The following WWP2 variants were observed in gnomAD, a reference collection of about 807,000 sequenced individuals.
WWP2 encodes NEDD4-like E3 ubiquitin-protein ligase WWP2.
A neutral mutation model predicts 121.0 loss-of-function variants in WWP2; 57 were observed. The observed-to-expected ratio is 0.47, with a 90% confidence interval of 0.38 to 0.59. The LOEUF is 0.59. Ranked by LOEUF, WWP2 falls within the 20% of genes least tolerant of loss-of-function variation. The pLI is 0.00. For synonymous variants in WWP2, 449 were observed against 441.3 expected (o/e 1.02, Z -0.22); for missense variants, 962 against 1,158.9 (o/e 0.83, Z 2.47).
intron 7 of WWP2, among the ~76,000 whole-genome samples, chr16:69,880,053 G>A (rs1022853990): frequency 2.0e-5 from 3 of 149,834 alleles, no homozygotes; most frequent in Admixed American, 6.7e-5. Context: ...TTCTGTTTTC[G>A]CTTGCTTTCT....
At chr16:69,769,939 A>G (rs1355402079) in intron 1 of WWP2, among the ~76,000 whole-genome samples, 4 of 149,298 alleles carry the variant, frequency 2.7e-5, no homozygotes, top group Non-Finnish European at 5.9e-5. Flanking sequence ...CAATGGCATA[A>G]TCTCGGCTCG....
chr16:69,871,661 G>A (rs2057638328), intron 6 of WWP2, 143 bp from the exon 7 acceptor site: 1 of 1,235,740 alleles, frequency 8.1e-7, no homozygotes, highest in African/African-American at 1.5e-5. Flanking sequence ...ACCAGCTTCT[G>A]TTTAGTCCAA....
chr16:69,854,457 GT>G (rs1230464545), intron 6 of WWP2, among the ~76,000 whole-genome samples: 2 of 152,260 alleles, frequency 1.3e-5, no homozygotes, highest in Non-Finnish European at 2.9e-5. Flanking sequence ...GTTTGGTTTA[GT>G]GACTGCCTTT....
At chr16:69,827,467 A>G (rs2056722216) in intron 4 of WWP2, among the ~76,000 whole-genome samples, 1 of 152,198 alleles carries the variant, frequency 6.6e-6, no homozygotes, top group Non-Finnish European at 1.5e-5. Context: ...ACTAATCCAA[A>G]TCTTAATTGG....
At chr16:69,822,532 GGT>G (rs142800550) in intron 4 of WWP2, among the ~76,000 whole-genome samples, 4 of 151,044 alleles carry the variant, frequency 2.6e-5, no homozygotes, top group Non-Finnish European at 5.9e-5. Context: ...GCCTGGGTGG[GGT>G]GTGTGTGTGT....
intron 8 of WWP2, chr16:69,895,128 C>T (rs2058088301): frequency 6.6e-6 from 1 of 152,236 alleles, no homozygotes; most frequent in African/African-American, 2.4e-5. Flanking sequence ...GCCCTTAAGA[C>T]ACTATCAAGG....
At position 69,929,522 on chromosome 16, in the gene WWP2, A is replaced by G. The variant is rs1356061661; in HGVS notation, c.1309A>G (p.Thr437Ala). Residue 437 changes from threonine to alanine, a missense_variant, in exon 12 of 24, where the codon ACC becomes GCC. By Grantham distance (58) the Thr-to-Ala change is moderately conservative (BLOSUM62 0). Around this residue, in one of 3 missense-constraint regions of WWP2, gnomAD observed 606 missense variants for 772.6 expected, o/e 0.78. Transcript: ENST00000359154. ...CACGACCCAGTGGGAGGATCCCCGG[A>G]CCCAGGGGTAAGGACTTGGGCTGAG... ...TRTTQWEDPRTQGMIQEPALP... is the reference protein window; with the variant it reads ...TRTTQWEDPRAQGMIQEPALP... 2 of 1,613,956 alleles carry G rather than the reference A, an allele frequency of 1.2e-6. No individual in the cohort carries two copies. The highest frequency in any genetic ancestry group is 2.2e-5 in the East Asian group (1 of 44,854).
intron 6 of WWP2, among the ~76,000 whole-genome samples, chr16:69,855,754 A>G (rs1312897456): frequency 6.6e-6 from 1 of 152,216 alleles, no homozygotes; most frequent in Non-Finnish European, 1.5e-5. Context: ...TTGAAGGAAC[A>G]GTGGAGAGGC....
At chr16:69,899,973 C>T (rs530866408) in intron 8 of WWP2, among the ~76,000 whole-genome samples, 2 of 152,184 alleles carry the variant, frequency 1.3e-5, no homozygotes, top group South Asian at 4.1e-4. Context: ...TATTTATCTA[C>T]AATGTTATTT....
chr16:69,836,153 A>C (rs867336315), intron 4 of WWP2, among the ~76,000 whole-genome samples: 39 of 152,210 alleles, frequency 2.6e-4, no homozygotes, highest in African/African-American at 8.2e-4. Context: ...AATAATTTCA[A>C]ACATCATCTA....
rs1244305881 is a variant in WWP2, at chr16:69,938,077, A to G, written c.2343+425A>G. Among the ~76,000 whole-genome samples the G allele has an allele frequency of 2.0e-5, 3 of 152,266 alleles. No homozygotes were observed. The East Asian group carries it at 5.8e-4, about 29-fold the overall frequency. On this transcript the variant is annotated intron_variant, in intron 21 of 23. Transcript: ENST00000359154. ...TCGTTATGAAATACAGCATACAAAA[A>G]AAAATAGCGATTACAGGTATTCTTA...
chr16:69,772,158 A>C (rs925566764), intron 1 of WWP2, among the ~76,000 whole-genome samples: 2 of 151,222 alleles, frequency 1.3e-5, no homozygotes, highest in Non-Finnish European at 3.0e-5. Flanking sequence ...ACAGGGTTTC[A>C]TCATGTTGGT....
chr16:69,891,280 AC>A (rs1350260525), intron 8 of WWP2, among the ~76,000 whole-genome samples: 3 of 152,080 alleles, frequency 2.0e-5, no homozygotes, highest in Admixed American at 6.5e-5. Flanking sequence ...TTATTAATTT[AC>A]CCCTGGTGTT....
chr16:69,773,332 C>T (rs1437106457), intron 1 of WWP2, among the ~76,000 whole-genome samples: 4 of 152,086 alleles, frequency 2.6e-5, no homozygotes, highest in South Asian at 2.1e-4. Context: ...GCACTCACTA[C>T]CACACCCAGA....
chr16:69,905,399 G>T (rs2058274618), intron 8 of WWP2, among the ~76,000 whole-genome samples: 1 of 152,158 alleles, frequency 6.6e-6, no homozygotes, highest in Admixed American at 6.5e-5. Context: ...AGAAGATTGT[G>T]ATTAAAATGG....
Position 69,842,016 on chromosome 16 carries a change from C to T in WWP2, c.479-8C>T, listed in dbSNP as rs769173444. 1.9e-6 allele frequency: 3 copies of T among 1,610,634 alleles called. No homozygotes were observed. In the Admixed American group the frequency reaches 5.0e-5, roughly 27 times the overall value. ...TTCTGTCTTTTCTTGTGATTGATTC[C>T]TTTCTAGGATCACAGCTGCCTTCGA... On this transcript the variant is annotated splice_polypyrimidine_tract_variant and splice_region_variant and intron_variant, in intron 5 of 23. Coordinates refer to ENST00000359154, the MANE Select transcript of WWP2 (RefSeq NM_001270454.2).
chr16:69,770,685 A>C lies in WWP2; in HGVS notation c.-16+8294A>C, dbSNP rs192047214. 2.0e-4 allele frequency among the ~76,000 whole-genome samples: 31 copies of C among 152,296 alleles called. No homozygotes were observed. In the East Asian group the frequency reaches 3.9e-3, roughly 19 times the overall value. On this transcript the variant is annotated intron_variant, in intron 1 of 23. Coordinates refer to ENST00000359154, the MANE Select transcript of WWP2 (RefSeq NM_001270454.2). ...GAGCTTGCAATTGATGTCGCAAGTC[A>C]GGGGCAGTCTTGGGGAACTAAACCT...
chr16:69,935,707 G>T lies in WWP2; in HGVS notation c.1843-146G>T, dbSNP rs538680416. 2.5e-6 allele frequency: 3 copies of T among 1,210,028 alleles called. No individual in the cohort carries two copies. Among genetic ancestry groups the T allele is most frequent in the Non-Finnish European group, 3.5e-6 (3 of 868,164 alleles). 75.0% of individuals were successfully genotyped at this position (1,210,028 alleles called of 1,614,324 possible). A position where few individuals can be genotyped will look rare whatever the true frequency, so the allele number is the denominator to read the frequency against. On this transcript the variant is annotated intron_variant, in intron 17 of 23. Coordinates refer to ENST00000359154, the MANE Select transcript of WWP2 (RefSeq NM_001270454.2). The surrounding 1 kb of genome is among the most constrained non-coding windows in gnomAD (Gnocchi z 5.2). ...CGTTGTTTACTCCTGAGGCCCTCCC[G>T]CTGCGTCCGAGGCAGCTGCTGCTGT...
rs765437085 is a variant in WWP2, at chr16:69,842,105, T to A, written c.560T>A (p.Phe187Tyr). Residue 187 changes from phenylalanine to tyrosine, a missense_variant, in exon 6 of 24, where the codon TTT becomes TAT. Phe to Tyr is a conservative substitution (Grantham distance 22, BLOSUM62 3). Around this residue, in one of 3 missense-constraint regions of WWP2, gnomAD observed 211 missense variants for 196.5 expected, o/e 1.07. Transcript: ENST00000359154. ...CACCAGCCCCCCAGCACAAACTGCT[T>A]TGGTGGAAGATCCCGGTAAGACCCC... ...NRHQPPSTNC[F>Y]GGRSRTHRHS... is the part of the protein sequence containing the mutation. The A allele has an allele frequency of 3.7e-6, 6 of 1,612,668 alleles. No individual in the cohort carries two copies. In the East Asian group the frequency reaches 1.3e-4, roughly 36 times the overall value.
Sources: allele counts gnomAD v4.1 joint callset (sites outside exome capture counted in the v4.1 genomes callset), GRCh38; gene constraint gnomAD v4.1.1; regional missense constraint gnomAD v4.1.1; non-coding constraint Gnocchi (gnomAD v3.1); transcripts MANE v1.5; gene names NCBI Gene and HGNC (gene_info 2026-07-23, HGNC 2026-07-21).